KCNMA1: variants seen among roughly 807,000 people sequenced by gnomAD.
The protein encoded by KCNMA1 is Calcium-activated potassium channel subunit alpha-1.
Under a neutral mutation model 140.0 loss-of-function variants are expected in KCNMA1, and 29 were observed. The ratio of observed to expected loss-of-function variants is 0.21; its 90% CI spans 0.15 to 0.28. KCNMA1 has a LOEUF of 0.28. Among genes scored for constraint, KCNMA1 ranks in the 10% least tolerant of loss-of-function variants. The probability of loss-of-function intolerance (pLI) is 1.00; values close to 1 mark genes in which losing one functional copy is unlikely to be tolerated. For synonymous variants in KCNMA1, 612 were observed against 611.9 expected (o/e 1.00, Z 0.00); for missense variants, 880 against 1,602.2 (o/e 0.55, Z 7.70).
At chr10:77,178,692 C>A (rs976717528) in intron 5 of KCNMA1, among the ~76,000 whole-genome samples, 1 of 151,932 alleles carries the variant, frequency 6.6e-6, no homozygotes, top group Non-Finnish European at 1.5e-5. Flanking sequence ...GCAACAAGGG[C>A]GAAACTCCAA....
intron 2 of KCNMA1, among the ~76,000 whole-genome samples, chr10:77,355,957 C>T (rs370093059): frequency 1.8e-4 from 27 of 152,166 alleles, no homozygotes; most frequent in African/African-American, 5.1e-4. Flanking sequence ...ACAATATCCA[C>T]GTGGGAAACT....
chr10:76,924,738 AG>A (rs1221494954), intron 23 of KCNMA1, among the ~76,000 whole-genome samples: 1 of 147,876 alleles, frequency 6.8e-6, no homozygotes, highest in African/African-American at 2.5e-5. Flanking sequence ...GCCCAGAGAG[AG>A]TTTTCAGGCT....
At chr10:77,593,992 C>A (rs966992207) in intron 1 of KCNMA1, among the ~76,000 whole-genome samples, 1 of 152,190 alleles carries the variant, frequency 6.6e-6, no homozygotes, top group Non-Finnish European at 1.5e-5. Context: ...TGTCTCCCTG[C>A]AGCTCAAAAT....
chr10:77,197,749 T>C (rs918898050), intron 3 of KCNMA1, among the ~76,000 whole-genome samples: 3 of 152,078 alleles, frequency 2.0e-5, no homozygotes, highest in Non-Finnish European at 2.9e-5. Flanking sequence ...GGTTGCATCA[T>C]GCAAATGAAA....
intron 5 of KCNMA1, among the ~76,000 whole-genome samples, chr10:77,136,680 A>G (rs2098041631): frequency 6.6e-6 from 1 of 152,170 alleles, no homozygotes; most frequent in African/African-American, 2.4e-5. Context: ...ATGAAAAAGT[A>G]GAAGAAAAGC....
downstream of KCNMA1, chr10:76,875,287 A>C (rs540217181): frequency 1.5e-4 from 23 of 152,360 alleles, no homozygotes; most frequent in African/African-American, 5.3e-4. Context: ...TTACAACGGC[A>C]ACACAGTATG....
At chr10:77,047,876 A>G (rs2095163912) in intron 14 of KCNMA1, among the ~76,000 whole-genome samples, 1 of 152,130 alleles carries the variant, frequency 6.6e-6, no homozygotes, top group Admixed American at 6.5e-5. Context: ...CCAACCCCAG[A>G]ATAGTTCAGC....
In KCNMA1 at chr10:76,909,786, T is replaced by A. The variant is rs2049349196; in HGVS notation, c.3147+180A>T. 3.3e-5 allele frequency among the ~76,000 whole-genome samples: 5 copies of A among 152,356 alleles called. No individual in the cohort carries two copies. The South Asian group carries it at 8.3e-4, about 25-fold the overall frequency. ...GCCTTCCTTGCACTTGAGGAATTTATAATCAAACATTTACTTGTGTGATGG... is the reference window on the plus strand; with the variant it reads ...GCCTTCCTTGCACTTGAGGAATTTAAAATCAAACATTTACTTGTGTGATGG... On this transcript the variant is annotated intron_variant, in intron 25 of 27. Transcript: ENST00000286628.
intron 2 of KCNMA1, among the ~76,000 whole-genome samples, chr10:77,295,805 A>AC (rs1565798773): frequency 2.9e-5 from 4 of 136,954 alleles, no homozygotes; most frequent in Non-Finnish European, 6.2e-5. Flanking sequence ...AAAAAAAAAA[A>AC]AAAAAAAAAA....
chr10:77,212,816 T>C (rs1309258854), intron 3 of KCNMA1, among the ~76,000 whole-genome samples: 1 of 152,122 alleles, frequency 6.6e-6, no homozygotes, highest in East Asian at 1.9e-4. Flanking sequence ...ACATCTTCAA[T>C]TCCTACTACC....
chr10:77,219,196 AG>A (rs1045099330), intron 3 of KCNMA1, among the ~76,000 whole-genome samples: 1 of 152,132 alleles, frequency 6.6e-6, no homozygotes, highest in African/African-American at 2.4e-5. Flanking sequence ...TTTAGACCAC[AG>A]GGCTTAGAAA....
At chr10:77,582,396 G>A (rs1012176226) in intron 1 of KCNMA1, among the ~76,000 whole-genome samples, 10 of 152,186 alleles carry the variant, frequency 6.6e-5, no homozygotes, top group Admixed American at 2.0e-4. Flanking sequence ...AGTGATTAAA[G>A]TTGATATCAT....
intron 1 of KCNMA1, among the ~76,000 whole-genome samples, chr10:77,447,578 G>A (rs1348115531): frequency 5.9e-5 from 9 of 152,204 alleles, no homozygotes; most frequent in Admixed American, 5.9e-4. Flanking sequence ...AATGACATGA[G>A]GCCAATGAAA....
At chr10:77,421,891 A>T (rs1016140125) in intron 1 of KCNMA1, among the ~76,000 whole-genome samples, 1 of 152,202 alleles carries the variant, frequency 6.6e-6, no homozygotes, top group Non-Finnish European at 1.5e-5. Context: ...TGATATGTGG[A>T]CTAGAGCCAT....
chr10:77,412,352 A>G (rs557817120), intron 1 of KCNMA1, among the ~76,000 whole-genome samples: 1 of 151,840 alleles, frequency 6.6e-6, no homozygotes, highest in African/African-American at 2.4e-5. Context: ...CAGGAGCCCC[A>G]CCCCACCCTC....
intron 3 of KCNMA1, among the ~76,000 whole-genome samples, chr10:77,243,285 C>T (rs1283609454): frequency 1.3e-5 from 2 of 152,318 alleles, no homozygotes; most frequent in Non-Finnish European, 2.9e-5. Flanking sequence ...TATAACATTT[C>T]GCTCCAGCTG....
At chr10:76,947,168 C>G (rs1320471929) in intron 22 of KCNMA1, among the ~76,000 whole-genome samples, 1 of 119,144 alleles carries the variant, frequency 8.4e-6, no homozygotes, top group Non-Finnish European at 1.8e-5. Flanking sequence ...AACCCTGTCT[C>G]TACTGAAAAT....
intron 5 of KCNMA1, among the ~76,000 whole-genome samples, chr10:77,158,819 G>A (rs1364600094): frequency 6.6e-6 from 1 of 152,150 alleles, no homozygotes; most frequent in Non-Finnish European, 1.5e-5. Flanking sequence ...TCTCTTTGAG[G>A]GAGGGAGGAA....
intron 14 of KCNMA1, among the ~76,000 whole-genome samples, chr10:77,055,164 C>A (rs1194031143): frequency 6.6e-6 from 1 of 152,160 alleles, no homozygotes; most frequent in Non-Finnish European, 1.5e-5. Context: ...GTCTTTCCCA[C>A]TGAATGATGT....
Sources: allele counts gnomAD v4.1 joint callset (sites outside exome capture counted in the v4.1 genomes callset), GRCh38; gene constraint gnomAD v4.1.1; transcripts MANE v1.5; gene names NCBI Gene and HGNC (gene_info 2026-07-23, HGNC 2026-07-21).